The following CCSER1 variants were observed in gnomAD, a reference collection of about 807,000 sequenced individuals.
CCSER1 encodes the protein serine-rich coiled-coil domain-containing protein 1.
In CCSER1, 41 loss-of-function variants were observed where a neutral mutation model predicts 82.0. The observed-to-expected ratio is 0.50, with a 90% CI of 0.39 to 0.65. The LOEUF (loss-of-function observed/expected upper bound fraction) is 0.65. Ranked by LOEUF, CCSER1 falls within the 30% of genes least tolerant of loss-of-function variation. CCSER1 has a pLI of 0.00. For missense variants in CCSER1, 1,119 were observed against 1,064.2 expected (o/e 1.05, Z -0.72); for synonymous variants, 414 against 383.9 (o/e 1.08, Z -0.92).
intron 5 of CCSER1, among the ~76,000 whole-genome samples, chr4:90,624,654 C>G (rs17017300): frequency 0.028 from 4,324 of 152,286 alleles, 118 homozygotes; most frequent in African/African-American, 0.068. Flanking sequence ...TTGAAAGTCT[C>G]AAATCCTCTA....
chr4:90,343,036 A>C (rs1009812990), intron 3 of CCSER1, among the ~76,000 whole-genome samples: 1 of 151,910 alleles, frequency 6.6e-6, no homozygotes, highest in African/African-American at 2.4e-5. Flanking sequence ...TGATTTAATT[A>C]ACTTCAATTC....
intron 8 of CCSER1, among the ~76,000 whole-genome samples, chr4:90,834,763 C>T (rs556518427): frequency 3.3e-5 from 5 of 151,992 alleles, no homozygotes; most frequent in Non-Finnish European, 7.4e-5. Context: ...ACGGAAAGGG[C>T]GACAATAAAA....
intron 10 of CCSER1, among the ~76,000 whole-genome samples, chr4:91,201,209 G>T (rs1425746747): frequency 6.6e-6 from 1 of 151,980 alleles, no homozygotes; most frequent in Non-Finnish European, 1.5e-5. Context: ...TGTATTTCTA[G>T]GGAAATGCTA....
intron 6 of CCSER1, among the ~76,000 whole-genome samples, chr4:90,691,595 A>G (rs777175904): frequency 3.7e-5 from 4 of 108,528 alleles, no homozygotes; most frequent in Non-Finnish European, 9.0e-5. Context: ...TGAATATATC[A>G]CATGTGTATA....
At chr4:91,326,594 T>C (rs898698541) in intron 10 of CCSER1, among the ~76,000 whole-genome samples, 3 of 152,036 alleles carry the variant, frequency 2.0e-5, no homozygotes, top group Non-Finnish European at 4.4e-5. Flanking sequence ...TCCATGTCCT[T>C]CTCTTATTTC....
At chr4:90,841,806 T>C (rs1561230552) in intron 8 of CCSER1, among the ~76,000 whole-genome samples, 1 of 152,168 alleles carries the variant, frequency 6.6e-6, no homozygotes, top group African/African-American at 2.4e-5. Context: ...CTTGGTACTC[T>C]GGAAGTGTGT....
chr4:90,395,161 G>A (rs956438007), intron 3 of CCSER1, among the ~76,000 whole-genome samples: 7 of 152,160 alleles, frequency 4.6e-5, no homozygotes, highest in African/African-American at 1.7e-4. Context: ...ACACCCATGT[G>A]AGATCATGTG....
intron 6 of CCSER1, among the ~76,000 whole-genome samples, chr4:90,708,739 T>C (rs1245061883): frequency 3.3e-5 from 5 of 152,292 alleles, no homozygotes; most frequent in Non-Finnish European, 5.9e-5. Flanking sequence ...TTATATTTAG[T>C]ATTTTAATCC....
chr4:90,158,535 T>C (rs1346186543), intron 1 of CCSER1, among the ~76,000 whole-genome samples: 1 of 152,166 alleles, frequency 6.6e-6, no homozygotes, highest in Non-Finnish European at 1.5e-5. Flanking sequence ...CTCCACCCAG[T>C]TGGAGCTTCC....
intron 8 of CCSER1, among the ~76,000 whole-genome samples, chr4:90,849,180 TG>T (rs1259414875): frequency 3.9e-5 from 6 of 151,998 alleles, no homozygotes; most frequent in Non-Finnish European, 7.4e-5. Context: ...GACAAGGAAA[TG>T]GGGGAAAGTT....
intron 4 of CCSER1, among the ~76,000 whole-genome samples, chr4:90,403,043 C>A (rs1753127355): frequency 6.6e-6 from 1 of 152,108 alleles, no homozygotes; most frequent in African/African-American, 2.4e-5. Flanking sequence ...TGTTTAATGT[C>A]ACTTAATAAA....
intron 1 of CCSER1, among the ~76,000 whole-genome samples, chr4:90,155,362 C>T (rs928128292): frequency 6.6e-5 from 10 of 152,016 alleles, no homozygotes; most frequent in African/African-American, 2.2e-4. Flanking sequence ...TGTCTCTGCC[C>T]GGCTTTGCTA....
At chr4:90,730,371 T>G (rs1402351260) in intron 7 of CCSER1, among the ~76,000 whole-genome samples, 1 of 152,202 alleles carries the variant, frequency 6.6e-6, no homozygotes, top group Non-Finnish European at 1.5e-5. Flanking sequence ...GAGCCCATTA[T>G]GGTATATTTC....
chr4:90,774,650 A>G (rs1295667550), intron 7 of CCSER1, among the ~76,000 whole-genome samples: 1 of 152,062 alleles, frequency 6.6e-6, no homozygotes, highest in Non-Finnish European at 1.5e-5. Flanking sequence ...TCTTTTTAAT[A>G]CCTTCCTTGT....
At chr4:91,089,919 G>A (rs1331137112) in intron 10 of CCSER1, among the ~76,000 whole-genome samples, 1 of 152,174 alleles carries the variant, frequency 6.6e-6, no homozygotes, top group East Asian at 1.9e-4. Flanking sequence ...TCAGCTGCTA[G>A]CAAGTAGTTC....
At chr4:90,992,478 A>T (rs1737123568) in intron 9 of CCSER1, among the ~76,000 whole-genome samples, 1 of 152,058 alleles carries the variant, frequency 6.6e-6, no homozygotes, top group Admixed American at 6.6e-5. Context: ...TACATTTATT[A>T]TCTCACAGTT....
intron 9 of CCSER1, among the ~76,000 whole-genome samples, chr4:91,084,748 A>G (rs1024091572): frequency 5.3e-5 from 8 of 152,284 alleles, no homozygotes; most frequent in African/African-American, 1.9e-4. Flanking sequence ...AATAAATGGT[A>G]TGCCATGTTG....
chr4:90,566,906 T>C (rs1446344022), intron 5 of CCSER1, among the ~76,000 whole-genome samples: 2 of 151,892 alleles, frequency 1.3e-5, no homozygotes, highest in Non-Finnish European at 2.9e-5. Flanking sequence ...CCGGCCACCT[T>C]TTATTCTTTG....
chr4:91,510,747 C>A (rs1366782103), intron 10 of CCSER1, among the ~76,000 whole-genome samples: 1 of 152,114 alleles, frequency 6.6e-6, no homozygotes, highest in Non-Finnish European at 1.5e-5. Flanking sequence ...ACATCGTTTG[C>A]AAATATTTTC....
Sources: allele counts gnomAD v4.1 joint callset (sites outside exome capture counted in the v4.1 genomes callset), GRCh38; gene constraint gnomAD v4.1.1; transcripts MANE v1.5; gene names NCBI Gene and HGNC (gene_info 2026-07-23, HGNC 2026-07-21).